MGST1: variants seen among roughly 807,000 people sequenced by gnomAD.
The protein encoded by MGST1 is glutathione S-transferase 12.
In MGST1, 5 loss-of-function variants were observed where a neutral mutation model predicts 8.9. The observed-to-expected ratio is 0.56, with a 90% CI of 0.29 to 1.19. MGST1 has a LOEUF of 1.19. Among genes scored for constraint, MGST1 ranks in the 50% most tolerant of loss-of-function variants. The pLI is 0.08. For missense variants in MGST1, 182 were observed against 187.4 expected (o/e 0.97, Z 0.17); for synonymous variants, 54 against 67.8 (o/e 0.80, Z 1.00).
intron 1 of MGST1, among the ~76,000 whole-genome samples, chr12:16,430,727 C>A (rs1043597653): frequency 1.3e-5 from 2 of 152,042 alleles, no homozygotes; most frequent in Non-Finnish European, 2.9e-5. Flanking sequence ...AGATCATAGA[C>A]AGAGTAGATT....
At chr12:16,556,393 C>A (rs976637676) in intron 4 of MGST1, among the ~76,000 whole-genome samples, 6 of 152,082 alleles carry the variant, frequency 3.9e-5, no homozygotes, top group Admixed American at 6.5e-5. Context: ...TAGCTATACG[C>A]CTCTAAAAGG....
chr12:16,412,384 T>C (rs1323653927), intron 1 of MGST1, among the ~76,000 whole-genome samples: 1 of 152,210 alleles, frequency 6.6e-6, no homozygotes, highest in African/African-American at 2.4e-5. Context: ...TATTAATTTT[T>C]TTCCTAATAT....
chr12:16,394,951 C>A (rs1303754191), intron 1 of MGST1, among the ~76,000 whole-genome samples: 1 of 151,826 alleles, frequency 6.6e-6, no homozygotes, highest in African/African-American at 2.4e-5. Flanking sequence ...GAAAACTAGC[C>A]CCTATCAATT....
intron 4 of MGST1, among the ~76,000 whole-genome samples, chr12:16,539,263 A>C (rs2137210232): frequency 6.6e-6 from 1 of 152,324 alleles, no homozygotes; most frequent in African/African-American, 2.4e-5. Flanking sequence ...TATTTTAAAT[A>C]AGATTTTTAC....
chr12:16,505,758 C>A lies in MGST1; in HGVS notation n.483-83770C>A, dbSNP rs1941534271. 2.0e-5 allele frequency among the ~76,000 whole-genome samples: 3 copies of A among 152,168 alleles called. No homozygotes were observed. In the South Asian group the frequency reaches 6.2e-4, roughly 32 times the overall value. ...TATCTTTCTAAAGCACAGATCTAACCTAATTCCATGCCTAAATACATTTGT... is the reference window on the plus strand; with the variant it reads ...TATCTTTCTAAAGCACAGATCTAACATAATTCCATGCCTAAATACATTTGT... On this transcript the variant is annotated intron_variant and non_coding_transcript_variant, in intron 4 of 4. Coordinates refer to the MGST1 transcript ENST00000538857.
At chr12:16,494,189 TA>T (rs1941456342) in intron 4 of MGST1, among the ~76,000 whole-genome samples, 1 of 152,104 alleles carries the variant, frequency 6.6e-6, no homozygotes, top group Admixed American at 6.6e-5. Context: ...AAAAATTAAA[TA>T]AAACAAAAAC....
chr12:16,507,131 A>G (rs1299608591), intron 4 of MGST1, among the ~76,000 whole-genome samples: 1 of 152,230 alleles, frequency 6.6e-6, no homozygotes, highest in African/African-American at 2.4e-5. Context: ...GTCTTCAAAG[A>G]TGAAGATGTA....
intron 4 of MGST1, among the ~76,000 whole-genome samples, chr12:16,490,280 A>G (rs539341485): frequency 6.6e-6 from 1 of 152,186 alleles, no homozygotes; most frequent in African/African-American, 2.4e-5. Flanking sequence ...AAAACCAAAC[A>G]AAATGTAAGA....
intron 4 of MGST1, among the ~76,000 whole-genome samples, chr12:16,508,916 G>A (rs1941558261): frequency 6.6e-6 from 1 of 152,170 alleles, no homozygotes. Flanking sequence ...AGTATGAATA[G>A]TAGGTGGTTA....
At chr12:16,534,679 A>C (rs775776243) in intron 4 of MGST1, among the ~76,000 whole-genome samples, 1 of 152,050 alleles carries the variant, frequency 6.6e-6, no homozygotes, top group Non-Finnish European at 1.5e-5. Flanking sequence ...TTGGGTTTTT[A>C]TTTTTCTAGA....
At chr12:16,359,544 G>A (rs576119127) in intron 3 of MGST1, among the ~76,000 whole-genome samples, 1 of 152,184 alleles carries the variant, frequency 6.6e-6, no homozygotes, top group South Asian at 2.1e-4. Context: ...TCAGGACAAA[G>A]AATCACTGTG....
intron 4 of MGST1, among the ~76,000 whole-genome samples, chr12:16,460,676 A>C (rs1941212094): frequency 6.7e-6 from 1 of 150,040 alleles, no homozygotes; most frequent in South Asian, 2.1e-4. Flanking sequence ...CTTCTAACTC[A>C]TTCTCTACGC....
At chr12:16,499,366 A>G (rs1005337661) in intron 4 of MGST1, among the ~76,000 whole-genome samples, 1 of 152,138 alleles carries the variant, frequency 6.6e-6, no homozygotes, top group South Asian at 2.1e-4. Context: ...TTCCTTTTAG[A>G]TAACTTTTGA....
At chr12:16,529,826 A>G (rs1941711200) in intron 4 of MGST1, among the ~76,000 whole-genome samples, 1 of 152,114 alleles carries the variant, frequency 6.6e-6, no homozygotes, top group Non-Finnish European at 1.5e-5. Context: ...TTTTAATGAA[A>G]TCAAAACTCA....
chr12:16,462,271 T>C (rs2023959643), intron 4 of MGST1, among the ~76,000 whole-genome samples: 1 of 152,212 alleles, frequency 6.6e-6, no homozygotes, highest in African/African-American at 2.4e-5. Flanking sequence ...CCAACCAACC[T>C]TCTTCAAGGA....
At chr12:16,473,533 A>ATTT (rs138768692) in intron 4 of MGST1, among the ~76,000 whole-genome samples, 1 of 152,126 alleles carries the variant, frequency 6.6e-6, no homozygotes, top group African/African-American at 2.4e-5. Flanking sequence ...TCTAATAGCC[A>ATTT]TTTTTTTGTT....
chr12:16,431,678 A>G (rs185069895), intron 1 of MGST1, among the ~76,000 whole-genome samples: 3 of 152,230 alleles, frequency 2.0e-5, no homozygotes, highest in African/African-American at 7.2e-5. Flanking sequence ...ATCACAGCAG[A>G]TATAATAATA....
rs1218162326 is a variant in MGST1, at chr12:16,546,227, C to A, written n.483-43301C>A. Among the ~76,000 whole-genome samples the A allele has an allele frequency of 1.3e-5, 2 of 152,114 alleles. No homozygotes were observed. Among genetic ancestry groups the A allele is most frequent in the Admixed American group, 1.3e-4 (2 of 15,252 alleles). ...TTTGCTTTAGGTGATTTAAACTCTT[C>A]TCCAGGAGCAGGGTGAAAAAAGATT... On this transcript the variant is annotated intron_variant and non_coding_transcript_variant, in intron 4 of 4. Coordinates refer to the MGST1 transcript ENST00000538857. The surrounding 1 kb of genome is among the most constrained non-coding windows in gnomAD (Gnocchi z 4.7).
rs1237768127 is a variant in MGST1, at chr12:16,500,472, A to G, written n.483-89056A>G. Among the ~76,000 whole-genome samples, 1 of 152,200 alleles carries G rather than the reference A, an allele frequency of 6.6e-6. No homozygotes were observed. The highest frequency in any genetic ancestry group is 2.4e-5 in the African/African-American group (1 of 41,444). On this transcript the variant is annotated intron_variant and non_coding_transcript_variant, in intron 4 of 4. Transcript: ENST00000538857. This position sits in a 1 kb window ranked among gnomAD's most constrained non-coding sequence, Gnocchi z 4.3. ...TTTTTAGATATTTAGATTACATTAC[A>G]TTTACAGTTTTATTTCATTTTGTAA...
Sources: gnomAD v4.1 joint callset for allele counts (sites outside exome capture counted in the v4.1 genomes callset) on GRCh38, gnomAD v4.1.1 for gene constraint, Gnocchi (gnomAD v3.1) non-coding constraint, MANE v1.5 for transcripts, NCBI Gene and HGNC (gene_info 2026-07-23, HGNC 2026-07-21) for gene names.